DFFB: variants seen among roughly 807,000 people sequenced by gnomAD.
The protein encoded by DFFB is DNA fragmentation factor 40 kDa subunit.
A neutral mutation model predicts 32.7 loss-of-function variants in DFFB; 29 were observed. The observed-to-expected ratio is 0.89, with a 90% confidence interval of 0.66 to 1.21. DFFB has a LOEUF of 1.21. DFFB is among the 50% of genes most tolerant of loss of function. The pLI is 0.00. For missense variants in DFFB, 398 were observed against 440.6 expected, an observed-to-expected ratio of 0.90 and a Z score of 0.87; for synonymous variants, 170 against 177.1, an observed-to-expected ratio of 0.96 and a Z score of 0.32.
Position 3,865,520 on chromosome 1 carries a change from G to A in DFFB, c.242-292G>A. ...GAAGGGCCAAAGTGGGGGGCGTATG[G>A]TTTGGAGGGGAGGAGGCCAAATGGG... On this transcript the variant is annotated intron_variant, in intron 2 of 6. Transcript: ENST00000378209. This position sits in a 1 kb window ranked among gnomAD's most constrained non-coding sequence, Gnocchi z 4.7. 1.8e-6 allele frequency: 1 copy of A among 555,086 alleles called. No homozygotes were observed. 34.4% of individuals were successfully genotyped at this position (555,086 alleles called of 1,614,324 possible).
chr1:3,882,395 T>C (rs1394928930), intron 6 of DFFB, among the ~76,000 whole-genome samples: 1 of 151,712 alleles, frequency 6.6e-6, no homozygotes, highest in Non-Finnish European at 1.5e-5. Context: ...AGACAGAATC[T>C]CACTCTGTTG....
chr1:3,858,638 C>T (rs1022608172), intron 1 of DFFB, 80 bp from the exon 2 acceptor site: 14 of 1,527,186 alleles, frequency 9.2e-6, no homozygotes, highest in South Asian at 1.2e-5. Flanking sequence ...CAGCTCATTC[C>T]GGTCGTTTGT....
intron 6 of DFFB, among the ~76,000 whole-genome samples, chr1:3,874,322 C>T (rs1570932269): frequency 9.9e-6 from 1 of 101,262 alleles, no homozygotes; most frequent in East Asian, 3.3e-4. Flanking sequence ...TTAACATGCA[C>T]ATACGTGGTG....
At position 3,885,195 on chromosome 1, in the gene DFFB, G is replaced by T. The variant is rs967621097; in HGVS notation, c.*1454G>T. 2.0e-4 allele frequency: 30 copies of T among 152,174 alleles called. No homozygotes were observed. Among genetic ancestry groups the T allele is most frequent in the African/African-American group, 6.5e-4 (27 of 41,414 alleles). 9.4% of individuals were successfully genotyped at this position (152,174 alleles called of 1,614,324 possible). On this transcript the variant is annotated 3_prime_UTR_variant, in exon 7 of 7. Transcript: ENST00000378209. The stretch of plus-strand genomic sequence containing the variant: ...GGTGGCGGGTGCACAGAGACGGTCT[G>T]GAAGGAAACACGCGGATCTGAACAG...
At position 3,859,880 on chromosome 1, in the gene DFFB, A is replaced by G. The variant is rs113353129; in HGVS notation, c.241+1036A>G. The stretch of plus-strand genomic sequence containing the variant: ...TTATCTTTCTTTCCCATTTCAGGGC[A>G]TAGTTGAAAGACAGCAGAGCACGTT... On this transcript the variant is annotated intron_variant, in intron 2 of 6. Coordinates refer to ENST00000378209, the MANE Select transcript of DFFB (RefSeq NM_004402.4). Among the ~76,000 whole-genome samples, 17 of 152,230 alleles carry G rather than the reference A, an allele frequency of 1.1e-4. 1 individual carries two copies. Among genetic ancestry groups the G allele is most frequent in the African/African-American group, 3.9e-4 (16 of 41,504 alleles).
At chr1:3,874,301 C>A (rs140475212) in intron 6 of DFFB, among the ~76,000 whole-genome samples, 2 of 125,578 alleles carry the variant, frequency 1.6e-5, no homozygotes, top group African/African-American at 6.5e-5. Context: ...CTTTACCACA[C>A]GCGTGTGGGT....
intron 6 of DFFB, among the ~76,000 whole-genome samples, chr1:3,876,699 C>T (rs1022555215): frequency 3.3e-5 from 5 of 152,260 alleles, no homozygotes; most frequent in African/African-American, 1.2e-4. Context: ...TGCAGGTCTT[C>T]CCCAGTTCCG....
chr1:3,878,863 T>A (rs1177302635), intron 6 of DFFB, among the ~76,000 whole-genome samples: 1 of 152,228 alleles, frequency 6.6e-6, no homozygotes, highest in Non-Finnish European at 1.5e-5. Flanking sequence ...ATCTCATCTC[T>A]GGGTTCAATT....
chr1:3,869,566 C>G, intron 4 of DFFB, 39 bp from the exon 5 acceptor site: 1 of 1,580,714 alleles, frequency 6.3e-7, no homozygotes, highest in Non-Finnish European at 8.6e-7. Flanking sequence ...TTTTGGGGCG[C>G]TGTGCACCAG....
chr1:3,857,710 G>A lies in DFFB; in HGVS notation c.107G>A (p.Arg36His), dbSNP rs770024601. The change falls in exon 1 of 7, where the codon CGC becomes CAC. Residue 36 changes from arginine (R) to histidine (H), a missense_variant. Physicochemically the swap from Arg to His is conservative, Grantham distance 29. Coordinates refer to ENST00000378209, the MANE Select transcript of DFFB (RefSeq NM_004402.4). ...CQEVLRKGCL[R>H]FQLPERGSRL... ...GAGGTGCTGCGCAAGGGCTGTCTCC[G>A]CTTCCAGGTGCCCGCTGGGCTAGGC... 2.6e-6 allele frequency: 4 copies of A among 1,534,182 alleles called. No homozygotes were observed. The East Asian group carries it at 7.5e-5, about 29-fold the overall frequency.
At position 3,857,574 on chromosome 1, in the gene DFFB, T is replaced by C. The variant is rs12723005; in HGVS notation, c.-30T>C. On this transcript the variant is annotated 5_prime_UTR_variant, in exon 1 of 7. Transcript: ENST00000378209. Reference sequence around the variant, plus strand: ...GCTGGGCAGCAGGTGCCACCGCCTGTGGGACCCAGAGGGCTTGAGGACATC... The same window carrying C: ...GCTGGGCAGCAGGTGCCACCGCCTGCGGGACCCAGAGGGCTTGAGGACATC... The C allele has an allele frequency of 0.27, 407,732 of 1,486,388 alleles. 58,437 individuals are homozygous for C. The highest frequency in any genetic ancestry group is 0.48 in the African/African-American group (33,424 of 70,124). The allele number at this position is 1,486,388 out of a possible 1,614,324, so 92.1% of individuals were successfully genotyped here.
rs1222126830 is a variant in DFFB, at chr1:3,865,247, T to C, written c.242-565T>C. 6.6e-6 allele frequency among the ~76,000 whole-genome samples: 1 copy of C among 152,196 alleles called. No homozygotes were observed. Among genetic ancestry groups the C allele is most frequent in the Non-Finnish European group, 1.5e-5 (1 of 68,038 alleles). ...TGATGTGATCGTGAGGCTTTTCTCA[T>C]ATGGTGGATCGCACTGATCGATTTG... On this transcript the variant is annotated intron_variant, in intron 2 of 6. Transcript: ENST00000378209. The surrounding 1 kb of genome is among the most constrained non-coding windows in gnomAD (Gnocchi z 4.7).
At chr1:3,882,774 G>A (rs1429333354) in intron 6 of DFFB, among the ~76,000 whole-genome samples, 2 of 152,152 alleles carry the variant, frequency 1.3e-5, no homozygotes, top group Non-Finnish European at 2.9e-5. Flanking sequence ...GGGAAGGAGG[G>A]ACATAAGATT....
chr1:3,867,718 T>C (rs1303239467), intron 3 of DFFB: 1 of 438,854 alleles, frequency 2.3e-6, no homozygotes, highest in African/African-American at 2.0e-5. Flanking sequence ...CCAGGTGTGG[T>C]AGTGCGTCCC....
intron 6 of DFFB, 71 bp downstream of exon 6, chr1:3,872,643 T>TGCCGCGGCCCTGTCCCG: frequency 7.3e-7 from 1 of 1,377,014 alleles, no homozygotes; most frequent in Non-Finnish European, 1.0e-6. Context: ...GCCCTGTCCC[T>TGCCGCGGCCCTGTCCCG]GCCATGGCCC....
intron 6 of DFFB, among the ~76,000 whole-genome samples, chr1:3,875,879 C>T (rs1468503442): frequency 6.6e-6 from 1 of 152,132 alleles, no homozygotes; most frequent in Non-Finnish European, 1.5e-5. Flanking sequence ...TAGATTCAAG[C>T]GATTCTTCTG....
chr1:3,875,156 A>G (rs2124758671), intron 6 of DFFB, among the ~76,000 whole-genome samples: 1 of 152,374 alleles, frequency 6.6e-6, no homozygotes, highest in East Asian at 1.9e-4. Context: ...ACATCTTTCC[A>G]TACTGGGAGG....
In DFFB at chr1:3,865,529, G is replaced by C; in HGVS notation, c.242-283G>C. 1.8e-6 allele frequency: 1 copy of C among 566,838 alleles called. No individual in the cohort carries two copies. The highest frequency in any genetic ancestry group is 3.2e-6 in the Non-Finnish European group (1 of 314,548). 35.1% of individuals were successfully genotyped at this position (566,838 alleles called of 1,614,324 possible). On this transcript the variant is annotated intron_variant, in intron 2 of 6. Coordinates refer to ENST00000378209, the MANE Select transcript of DFFB (RefSeq NM_004402.4). This position sits in a 1 kb window ranked among gnomAD's most constrained non-coding sequence, Gnocchi z 4.7. ...AAGTGGGGGGCGTATGGTTTGGAGG[G>C]GAGGAGGCCAAATGGGAAAGCGGCC...
chr1:3,867,726 C>T, intron 3 of DFFB: 1 of 475,118 alleles, frequency 2.1e-6, no homozygotes, highest in South Asian at 2.3e-5. Context: ...GGTAGTGCGT[C>T]CCTGTAGTCT....
Sources: gnomAD v4.1 joint callset for allele counts (sites outside exome capture counted in the v4.1 genomes callset) on GRCh38, gnomAD v4.1.1 for gene constraint, Gnocchi (gnomAD v3.1) non-coding constraint, MANE v1.5 for transcripts, NCBI Gene and HGNC (gene_info 2026-07-23, HGNC 2026-07-21) for gene names.